ZNF469: variants seen among roughly 807,000 people sequenced by gnomAD.
ZNF469 encodes the protein zinc finger protein 469.
In ZNF469, 1 loss-of-function variant was observed where a neutral mutation model predicts 1.0. The ratio of observed to expected loss-of-function variants is 1.00; its 90% CI spans 0.35 to 4.73. ZNF469 has a LOEUF of 4.73. ZNF469 is among the 30% of genes most tolerant of loss of function. The pLI is 0.16. For missense variants in ZNF469, 6,100 were observed against 5,356.3 expected (o/e 1.14, Z -4.33); for synonymous variants, 2,703 against 2,363.4 (o/e 1.14, Z -4.17).
chr16:88,117,893 C>G, the ZNF469 span, among the ~76,000 whole-genome samples: 1 of 152,318 alleles, frequency 6.6e-6, no homozygotes, highest in South Asian at 2.1e-4. Flanking sequence ...ACACTGCGCC[C>G]GTCAGCAGAG....
chr16:88,319,211 T>C, the ZNF469 span, among the ~76,000 whole-genome samples: 1 of 152,156 alleles, frequency 6.6e-6, no homozygotes, highest in African/African-American at 2.4e-5. Context: ...CTGCCCACAC[T>C]GTCCCCCTTG....
At chr16:88,228,557 G>A in the ZNF469 span, among the ~76,000 whole-genome samples, 1 of 152,226 alleles carries the variant, frequency 6.6e-6, no homozygotes, top group African/African-American at 2.4e-5. Context: ...AATATTTTCC[G>A]TAACTTATTT....
At chr16:88,225,890 A>T in the ZNF469 span, among the ~76,000 whole-genome samples, 1 of 152,182 alleles carries the variant, frequency 6.6e-6, no homozygotes, top group African/African-American at 2.4e-5. Flanking sequence ...TTATAGCAGC[A>T]TGTATGTACT....
At chr16:88,332,968 G>A in the ZNF469 span, among the ~76,000 whole-genome samples, 730 of 152,252 alleles carry the variant, frequency 4.8e-3, 2 homozygotes, top group Non-Finnish European at 8.6e-3. Flanking sequence ...GTGTCCCCAG[G>A]AGCCACGTCC....
chr16:88,263,989 G>A, the ZNF469 span, among the ~76,000 whole-genome samples: 1 of 152,188 alleles, frequency 6.6e-6, no homozygotes, highest in South Asian at 2.1e-4. Context: ...ACTTCCCAGG[G>A]AGCCTCCTGC....
chr16:88,433,883 C>G lies in ZNF469; in HGVS notation c.6413C>G (p.Ser2138Trp). 1.3e-6 allele frequency: 2 copies of G among 1,548,632 alleles called. No individual in the cohort carries two copies. Among genetic ancestry groups the G allele is most frequent in the East Asian group, 2.4e-5 (1 of 40,870 alleles). ...GPLPREDPLT[S>W]PSRAQGGLGG... ...CTGCCCCGTGAAGACCCACTTACCT[C>G]GCCTTCCAGGGCCCAAGGTGGGCTG... Residue 2138 changes from serine to tryptophan, a missense_variant, in exon 3 of 3, where the codon TCG becomes TGG. Ser to Trp is a radical substitution (Grantham distance 177). Transcript: ENST00000565624.
chr16:88,389,956 G>A (rs753906494), intron 1 of ZNF469, among the ~76,000 whole-genome samples: 6 of 152,254 alleles, frequency 3.9e-5, no homozygotes, highest in Non-Finnish European at 8.8e-5. Context: ...GTGAAGCCGC[G>A]AGTGAGGTGG....
chr16:88,220,885 C>T, the ZNF469 span, among the ~76,000 whole-genome samples: 4 of 152,200 alleles, frequency 2.6e-5, no homozygotes, highest in Admixed American at 6.5e-5. Flanking sequence ...GGTTTGGCTC[C>T]CACTTGCCAC....
intron 1 of ZNF469, among the ~76,000 whole-genome samples, chr16:88,398,558 A>AG (rs1491566929): frequency 4.8e-5 from 4 of 83,458 alleles, no homozygotes; most frequent in African/African-American, 2.7e-4. Context: ...AGATGAAGAG[A>AG]ATGCGCGAGC....
the ZNF469 span, among the ~76,000 whole-genome samples, chr16:88,142,278 T>C: frequency 5.9e-5 from 9 of 152,208 alleles, no homozygotes; most frequent in Non-Finnish European, 1.2e-4. Flanking sequence ...GCAGGTTCCC[T>C]GGGCTCTCAG....
Position 88,427,851 on chromosome 16 carries a change from G to T in ZNF469, c.381G>T (p.Ser127=). The T allele has an allele frequency of 1.3e-6, 2 of 1,549,310 alleles. No individual in the cohort carries two copies. Among genetic ancestry groups the T allele is most frequent in the Non-Finnish European group, 8.7e-7 (1 of 1,146,784 alleles). ...GCTACATTCTGGGCATCGCCAGCTC[G>T]AGGACCAAGCCCACCCTGGACGAGA... The part of the protein sequence containing the change: ...PQRYILGIAS[S]RTKPTLDETP... Residue 127 remains serine (S), a synonymous_variant, in exon 3 of 3, where the codon TCG becomes TCT. Transcript: ENST00000565624.
the ZNF469 span, among the ~76,000 whole-genome samples, chr16:88,120,920 C>T: frequency 6.6e-6 from 1 of 152,184 alleles, no homozygotes; most frequent in Non-Finnish European, 1.5e-5. Context: ...GTTTCTTGGT[C>T]CTCAGCCATG....
chr16:88,396,769 C>A (rs574739096), intron 1 of ZNF469, among the ~76,000 whole-genome samples: 1 of 141,918 alleles, frequency 7.0e-6, no homozygotes, highest in Non-Finnish European at 1.5e-5. Flanking sequence ...AGGAGACCCT[C>A]GTGAAGGGAG....
At chr16:88,229,762 A>C in the ZNF469 span, among the ~76,000 whole-genome samples, 34 of 152,118 alleles carry the variant, frequency 2.2e-4, no homozygotes, top group Admixed American at 3.3e-4. Flanking sequence ...CCTCCTCACC[A>C]ACAAACTGCT....
At chr16:88,273,836 G>A in the ZNF469 span, among the ~76,000 whole-genome samples, 112 of 138,084 alleles carry the variant, frequency 8.1e-4, 2 homozygotes, top group Admixed American at 2.3e-3. Flanking sequence ...ACGGAGTCTC[G>A]CTCTGTCGCC....
At chr16:88,411,737 C>G (rs80196244) in intron 1 of ZNF469, among the ~76,000 whole-genome samples, 1,753 of 152,288 alleles carry the variant, frequency 0.012, 20 homozygotes, top group African/African-American at 0.024. Flanking sequence ...TGGGGCCTCT[C>G]ACTCTGTGTC....
the ZNF469 span, among the ~76,000 whole-genome samples, chr16:88,206,913 CGGGGACGGAGGGGAGGGAG>C: frequency 1.1e-3 from 1 of 876 alleles, no homozygotes; most frequent in African/African-American, 4.2e-3. Flanking sequence ...GGGGAGGCCG[CGGGGACGGAGGGGAGGGAG>C]GCCGCGGGGA....
the ZNF469 span, among the ~76,000 whole-genome samples, chr16:88,224,041 G>C: frequency 6.6e-6 from 1 of 152,200 alleles, no homozygotes; most frequent in Non-Finnish European, 1.5e-5. Flanking sequence ...TGATAAGAGC[G>C]ATGTTGACTT....
intron 1 of ZNF469, among the ~76,000 whole-genome samples, chr16:88,421,645 G>A (rs184308134): frequency 1.3e-5 from 2 of 152,328 alleles, no homozygotes; most frequent in East Asian, 1.9e-4. Context: ...CCGCAAGCTG[G>A]GCAGGCAGAG....
Sources: gnomAD v4.1 joint callset for allele counts (sites outside exome capture counted in the v4.1 genomes callset) on GRCh38, gnomAD v4.1.1 for gene constraint, MANE v1.5 for transcripts, NCBI Gene and HGNC (gene_info 2026-07-23, HGNC 2026-07-21) for gene names.